Variants in NR2F1-AS1 observed in about 807,000 individuals in gnomAD.
The protein encoded by NR2F1-AS1 is NR2F1 regulatory antisense RNA 1.
intron 2 of NR2F1-AS1, among the ~76,000 whole-genome samples, chr5:93,561,232 A>AATTGCACTCCAGCCTG (rs200031913): frequency 0.046 from 7,045 of 152,192 alleles, 540 homozygotes; most frequent in African/African-American, 0.16. Flanking sequence ...GAGATCGCAC[A>AATTGCACTCCAGCCTG]GGCAACAAGA....
chr5:93,480,320 A>G (rs1044896876), intron 4 of NR2F1-AS1, among the ~76,000 whole-genome samples: 21 of 152,138 alleles, frequency 1.4e-4, no homozygotes, highest in African/African-American at 4.8e-4. Flanking sequence ...TTAACAACCT[A>G]TTTTTATGAG....
intron 4 of NR2F1-AS1, among the ~76,000 whole-genome samples, chr5:93,502,401 G>A (rs1326649692): frequency 6.6e-6 from 1 of 152,040 alleles, no homozygotes; most frequent in Non-Finnish European, 1.5e-5. Context: ...TCAACAAAGA[G>A]GTAACCCAAA....
At chr5:93,467,954 A>G (rs979933326) in intron 4 of NR2F1-AS1, among the ~76,000 whole-genome samples, 10 of 152,222 alleles carry the variant, frequency 6.6e-5, no homozygotes, top group Non-Finnish European at 1.3e-4. Context: ...GGTGGTTTCC[A>G]GCTTCATCCA....
At chr5:93,434,758 T>C (rs535217399) in intron 4 of NR2F1-AS1, among the ~76,000 whole-genome samples, 12 of 152,352 alleles carry the variant, frequency 7.9e-5, no homozygotes, top group African/African-American at 2.2e-4. Context: ...TTTCACAACA[T>C]TGACCTTTGT....
intron 1 of NR2F1-AS1, among the ~76,000 whole-genome samples, chr5:93,567,194 A>G (rs146672878): frequency 4.5e-3 from 688 of 152,268 alleles, no homozygotes; most frequent in Non-Finnish European, 7.7e-3. Flanking sequence ...TGGCACAGAA[A>G]AAGAAGTATT....
chr5:93,431,314 T>C (rs1383940320), intron 4 of NR2F1-AS1, among the ~76,000 whole-genome samples: 1 of 150,590 alleles, frequency 6.6e-6, no homozygotes, highest in African/African-American at 2.4e-5. Context: ...TGAGGTGTTG[T>C]GGGGGATGGG....
chr5:93,552,479 C>G (rs1752253019), intron 4 of NR2F1-AS1, among the ~76,000 whole-genome samples: 1 of 152,000 alleles, frequency 6.6e-6, no homozygotes, highest in South Asian at 2.1e-4. Flanking sequence ...TGCCAGAAGC[C>G]TCTTTCAAAA....
chr5:93,479,122 ACTATC>A (rs1750548186), intron 4 of NR2F1-AS1, among the ~76,000 whole-genome samples: 1 of 152,230 alleles, frequency 6.6e-6, no homozygotes, highest in African/African-American at 2.4e-5. Flanking sequence ...TATAACAACT[ACTATC>A]CTTAAGCCCT....
rs1416150589 is a variant in NR2F1-AS1, at chr5:93,579,113, C to T, written n.313+1354G>A. Among the ~76,000 whole-genome samples the T allele has an allele frequency of 6.6e-6, 1 of 152,200 alleles. No homozygotes were observed. Among genetic ancestry groups the T allele is most frequent in the Non-Finnish European group, 1.5e-5 (1 of 68,034 alleles). On this transcript the variant is annotated intron_variant and non_coding_transcript_variant, in intron 1 of 5. Transcript: ENST00000660523. This position sits in a 1 kb window ranked among gnomAD's most constrained non-coding sequence, Gnocchi z 5.1. Reference sequence around the variant, plus strand: ...CGAAGAGAAACTGAGCTCTAAGTGCCACTCAGGCCGGACGAGTTCCAGAGG... The same window carrying T: ...CGAAGAGAAACTGAGCTCTAAGTGCTACTCAGGCCGGACGAGTTCCAGAGG...
intron 1 of NR2F1-AS1, among the ~76,000 whole-genome samples, chr5:93,576,748 G>A (rs1342224524): frequency 6.6e-6 from 1 of 152,180 alleles, no homozygotes; most frequent in Non-Finnish European, 1.5e-5. Context: ...GGCTAATCCT[G>A]TAGTAGAAGA....
Position 93,493,853 on chromosome 5 carries a change from T to C in NR2F1-AS1, n.638+59908A>G, listed in dbSNP as rs552802182. On this transcript the variant is annotated intron_variant and non_coding_transcript_variant, in intron 4 of 5. Transcript: ENST00000660523. ...ATTAAAAGAAAAAAAAACCTCCAAA[T>C]GGATCAATTACCTAAATATGAAAGC... 2.0e-5 allele frequency among the ~76,000 whole-genome samples: 3 copies of C among 152,066 alleles called. No individual in the cohort carries two copies. In the South Asian group the frequency reaches 6.2e-4, roughly 32 times the overall value.
intron 4 of NR2F1-AS1, among the ~76,000 whole-genome samples, chr5:93,532,031 T>C (rs892711182): frequency 2.6e-5 from 4 of 152,174 alleles, no homozygotes; most frequent in Non-Finnish European, 4.4e-5. Flanking sequence ...ACACACACAG[T>C]TAAATATCAT....
At chr5:93,452,520 G>A (rs1749858939) in intron 4 of NR2F1-AS1, among the ~76,000 whole-genome samples, 1 of 152,180 alleles carries the variant, frequency 6.6e-6, no homozygotes, top group African/African-American at 2.4e-5. Flanking sequence ...TATCAGACAG[G>A]AGGTAGCTAA....
intron 4 of NR2F1-AS1, among the ~76,000 whole-genome samples, chr5:93,503,033 T>C (rs1409085135): frequency 1.3e-5 from 2 of 152,168 alleles, no homozygotes; most frequent in Admixed American, 6.5e-5. Context: ...GGATAGAAAC[T>C]AGACTTCACC....
chr5:93,542,194 T>G (rs1323419384), intron 4 of NR2F1-AS1: 1 of 149,136 alleles, frequency 6.7e-6, no homozygotes, highest in African/African-American at 2.5e-5. Flanking sequence ...GCTTAGAAAA[T>G]TTTCTGTAAT....
chr5:93,478,841 T>A (rs2149874090), intron 4 of NR2F1-AS1, among the ~76,000 whole-genome samples: 1 of 152,352 alleles, frequency 6.6e-6, no homozygotes, highest in Non-Finnish European at 1.5e-5. Flanking sequence ...CTTGTTTTCA[T>A]TTCTTTCTCT....
intron 4 of NR2F1-AS1, among the ~76,000 whole-genome samples, chr5:93,540,652 G>A (rs972797746): frequency 2.0e-5 from 3 of 152,158 alleles, no homozygotes; most frequent in African/African-American, 7.2e-5. Flanking sequence ...TATGGTTTTA[G>A]TGGAGTTGTG....
chr5:93,572,071 C>T (rs940323872), intron 1 of NR2F1-AS1, among the ~76,000 whole-genome samples: 1 of 152,166 alleles, frequency 6.6e-6, no homozygotes, highest in Non-Finnish European at 1.5e-5. Context: ...GGCGGCGGGA[C>T]CCAGCTGCCG....
chr5:93,493,555 G>C (rs1015177309), intron 4 of NR2F1-AS1, among the ~76,000 whole-genome samples: 1 of 151,880 alleles, frequency 6.6e-6, no homozygotes, highest in African/African-American at 2.4e-5. Flanking sequence ...TATTTCAAAA[G>C]TAACATATGG....
Sources: allele counts gnomAD v4.1 joint callset (sites outside exome capture counted in the v4.1 genomes callset), GRCh38; gene constraint gnomAD v4.1.1; non-coding constraint Gnocchi (gnomAD v3.1); transcripts MANE v1.5; gene names NCBI Gene and HGNC (gene_info 2026-07-23, HGNC 2026-07-21).